The following KIAA1671 variants were observed in gnomAD, a reference collection of about 807,000 sequenced individuals.
KIAA1671 encodes the protein uncharacterized protein KIAA1671.
A neutral mutation model predicts 131.2 loss-of-function variants in KIAA1671; 52 were observed. The observed-to-expected ratio is 0.40, with a 90% confidence interval of 0.32 to 0.50. KIAA1671 has a LOEUF of 0.50. Ranked by LOEUF, KIAA1671 falls within the 20% of genes least tolerant of loss-of-function variation. KIAA1671 has a pLI of 0.73. For synonymous variants in KIAA1671, 1,003 were observed against 961.6 expected, an observed-to-expected ratio of 1.04 and a Z score of -0.80; for missense variants, 2,360 against 2,364.2, an observed-to-expected ratio of 1.00 and a Z score of 0.04.
intron 6 of KIAA1671, among the ~76,000 whole-genome samples, chr22:25,146,312 C>G (rs759043002): frequency 1.3e-5 from 2 of 152,194 alleles, no homozygotes; most frequent in Non-Finnish European, 1.5e-5. Flanking sequence ...ACCTGGACTT[C>G]CATATCAAGT....
rs531110208 is a variant in KIAA1671, at chr22:25,130,170, TATAC to T, written c.4531-40646_4531-40643del. 3.1e-3 allele frequency among the ~76,000 whole-genome samples: 474 copies of T among 152,352 alleles called. 2 individuals are homozygous for T. Among genetic ancestry groups the T allele is most frequent in the African/African-American group, 0.011 (456 of 41,578 alleles). ...TATTATAAATAAATACATAAACTGTTATACATAAATATTTTGGAGGTATGATTTA... is the reference window on the plus strand; with the variant it reads ...TATTATAAATAAATACATAAACTGTTATAAATATTTTGGAGGTATGATTTA... On this transcript the variant is annotated intron_variant, in intron 6 of 12. Coordinates refer to ENST00000358431, the MANE Select transcript of KIAA1671 (RefSeq NM_001145206.2).
chr22:24,960,758 A>T, intron 1 of KIAA1671, among the ~76,000 whole-genome samples: 1 of 144,304 alleles, frequency 6.9e-6, no homozygotes, highest in Non-Finnish European at 1.5e-5. Context: ...ACAGATTTCC[A>T]GGATGTGGAA....
At chr22:25,137,673 A>G (rs548637589) in intron 6 of KIAA1671, among the ~76,000 whole-genome samples, 23 of 152,310 alleles carry the variant, frequency 1.5e-4, no homozygotes, top group African/African-American at 5.1e-4. Context: ...CAACTTCTAT[A>G]AGTGTGTTTT....
chr22:25,056,540 C>T (rs1361518173), intron 6 of KIAA1671: 15 of 148,682 alleles, frequency 1.0e-4, no homozygotes, highest in African/African-American at 2.9e-4. Flanking sequence ...GTGAAGTGGC[C>T]GGGCGCAGTG....
At chr22:25,107,935 T>G (rs534915160) in intron 6 of KIAA1671, among the ~76,000 whole-genome samples, 6 of 151,808 alleles carry the variant, frequency 4.0e-5, no homozygotes, top group African/African-American at 1.5e-4. Context: ...TTGAACCCAG[T>G]GGGAAGAGGT....
chr22:25,169,817 A>G (rs922267443), intron 6 of KIAA1671, among the ~76,000 whole-genome samples: 4 of 152,224 alleles, frequency 2.6e-5, no homozygotes, highest in Non-Finnish European at 5.9e-5. Flanking sequence ...CCGGGTTGCA[A>G]CAGCCCAAGG....
rs1926867958 is a variant in KIAA1671, at chr22:25,040,633, G to A, written c.3503G>A (p.Ser1168Asn). The A allele has an allele frequency of 6.4e-7, 1 of 1,551,814 alleles. No individual in the cohort carries two copies. Among genetic ancestry groups the A allele is most frequent in the South Asian group, 1.2e-5 (1 of 84,060 alleles). Residue 1168 changes from serine (S) to asparagine (N), a missense_variant, in exon 5 of 13, where the codon AGT becomes AAT. By Grantham distance (46) the Ser-to-Asn change is conservative. Coordinates refer to ENST00000358431, the MANE Select transcript of KIAA1671 (RefSeq NM_001145206.2). Reference protein sequence around the residue: ...GAPQTTPTLRSRPKDLPVRRK... With the variant: ...GAPQTTPTLRNRPKDLPVRRK... ...CCCCAAACCACCCCGACTCTGAGGA[G>A]TCGTCCAAAAGATCTTCCTGTGAGA...
chr22:25,002,534 A>C (rs886841825), intron 1 of KIAA1671, among the ~76,000 whole-genome samples: 7 of 152,238 alleles, frequency 4.6e-5, no homozygotes, highest in African/African-American at 1.4e-4. Context: ...TTCTGACCTG[A>C]GTTGCTCCCA....
chr22:24,978,342 C>T (rs1923023644), intron 1 of KIAA1671, among the ~76,000 whole-genome samples: 1 of 152,146 alleles, frequency 6.6e-6, no homozygotes, highest in Non-Finnish European at 1.5e-5. Context: ...GTAAGAAGTG[C>T]CTTTTGCCTC....
At chr22:25,124,496 A>G (rs1932090474) in intron 6 of KIAA1671, among the ~76,000 whole-genome samples, 1 of 152,212 alleles carries the variant, frequency 6.6e-6, no homozygotes, top group Non-Finnish European at 1.5e-5. Context: ...AGCTGAGTAC[A>G]GTTCAGAGCT....
intron 1 of KIAA1671, among the ~76,000 whole-genome samples, chr22:24,962,101 TTGA>T (rs925803650): frequency 6.6e-6 from 1 of 152,194 alleles, no homozygotes. Context: ...GATGATTGTC[TTGA>T]TGATGATTTT....
intron 6 of KIAA1671, among the ~76,000 whole-genome samples, chr22:25,158,134 A>G (rs568225803): frequency 1.2e-4 from 19 of 152,334 alleles, no homozygotes; most frequent in African/African-American, 4.6e-4. Flanking sequence ...ATAGTGTTTT[A>G]TAAAAAACAA....
At chr22:25,015,955 G>T (rs1925291990) in intron 1 of KIAA1671, among the ~76,000 whole-genome samples, 1 of 152,126 alleles carries the variant, frequency 6.6e-6, no homozygotes, top group African/African-American at 2.4e-5. Flanking sequence ...GTAAGAATTT[G>T]ATTTAACTCC....
At chr22:24,982,286 CACTAA>C (rs969543195) in intron 1 of KIAA1671, among the ~76,000 whole-genome samples, 1 of 152,188 alleles carries the variant, frequency 6.6e-6, no homozygotes, top group African/African-American at 2.4e-5. Flanking sequence ...ATCAAGTTCC[CACTAA>C]ATAAATGCCG....
rs1226547347 is a variant in KIAA1671, at chr22:25,038,981, C to T, written c.1851C>T (p.His617=). 1.9e-6 allele frequency: 3 copies of T among 1,551,670 alleles called. No individual in the cohort carries two copies. Among genetic ancestry groups the T allele is most frequent in the Non-Finnish European group, 2.6e-6 (3 of 1,147,046 alleles). ...FQTVWATVFE[H]HVERHTVADQ... is the part of the protein sequence containing the mutation. ...CTGTGTGGGCCACAGTATTTGAGCA[C>T]CACGTGGAGAGACACACAGTGGCTG... The change falls in exon 5 of 13, where the codon CAC becomes CAT. Residue 617 remains histidine, a synonymous_variant. Transcript: ENST00000358431.
intron 1 of KIAA1671, among the ~76,000 whole-genome samples, chr22:24,985,001 G>A (rs1040307879): frequency 1.4e-4 from 21 of 149,482 alleles, no homozygotes; most frequent in African/African-American, 4.7e-4. Flanking sequence ...GGTTGTTATA[G>A]TATCCTAGGC....
chr22:25,120,177 C>G (rs747440416), intron 6 of KIAA1671, among the ~76,000 whole-genome samples: 4 of 152,212 alleles, frequency 2.6e-5, no homozygotes, highest in Non-Finnish European at 5.9e-5. Context: ...CAACTGCCAA[C>G]TGCCACCTGC....
chr22:25,037,051 G>A (rs796556781), intron 4 of KIAA1671, among the ~76,000 whole-genome samples: 24 of 152,266 alleles, frequency 1.6e-4, no homozygotes, highest in African/African-American at 4.3e-4. Context: ...GTCCAGGTGC[G>A]GTGGCTTGTG....
intron 6 of KIAA1671, chr22:25,063,340 G>A (rs1234409815): frequency 6.7e-6 from 1 of 148,574 alleles, no homozygotes; most frequent in African/African-American, 2.5e-5. Flanking sequence ...TTAAAGAAAC[G>A]TGGCACGTAT....
Sources: allele counts gnomAD v4.1 joint callset (sites outside exome capture counted in the v4.1 genomes callset), GRCh38; gene constraint gnomAD v4.1.1; transcripts MANE v1.5; gene names NCBI Gene and HGNC (gene_info 2026-07-23, HGNC 2026-07-21).